Variants in MAD1L1 observed in about 807,000 individuals in gnomAD.
The protein encoded by MAD1L1 is mitotic spindle assembly checkpoint protein MAD1.
Under a neutral mutation model 96.9 loss-of-function variants are expected in MAD1L1, and 95 were observed. The ratio of observed to expected loss-of-function variants is 0.98; its 90% CI spans 0.83 to 1.16. The LOEUF is 1.16. MAD1L1 is among the 50% of genes most tolerant of loss of function. MAD1L1 has a pLI of 0.00. For missense variants in MAD1L1, 1,007 were observed against 954.4 expected, an observed-to-expected ratio of 1.06 and a Z score of -0.73; for synonymous variants, 473 against 396.6, an observed-to-expected ratio of 1.19 and a Z score of -2.29.
At chr7:1,912,518 G>A (rs1024266582) in intron 17 of MAD1L1, among the ~76,000 whole-genome samples, 11 of 152,136 alleles carry the variant, frequency 7.2e-5, no homozygotes, top group South Asian at 2.1e-4. Context: ...ATCCTCTCAC[G>A]GCTCCTCCTG....
intron 12 of MAD1L1, among the ~76,000 whole-genome samples, chr7:2,056,621 G>C (rs905675265): frequency 1.3e-5 from 2 of 152,134 alleles, no homozygotes; most frequent in African/African-American, 4.8e-5. Context: ...TGCTCACCTC[G>C]AACCAAGGCC....
At chr7:2,068,003 G>A (rs1164708279) in intron 12 of MAD1L1, among the ~76,000 whole-genome samples, 1 of 152,258 alleles carries the variant, frequency 6.6e-6, no homozygotes, top group African/African-American at 2.4e-5. Context: ...GTGTGGAAGA[G>A]AAGGGAACAC....
chr7:2,159,961 C>T (rs1009373831), intron 10 of MAD1L1, among the ~76,000 whole-genome samples: 5 of 152,180 alleles, frequency 3.3e-5, no homozygotes, highest in Admixed American at 6.5e-5. Flanking sequence ...GGCGCAGTGG[C>T]TCATGCCTGT....
At chr7:2,077,378 C>A (rs1221712981) in intron 11 of MAD1L1, among the ~76,000 whole-genome samples, 1 of 152,182 alleles carries the variant, frequency 6.6e-6, no homozygotes, top group Non-Finnish European at 1.5e-5. Flanking sequence ...TAAATTCAAG[C>A]CTTGAGCGAC....
chr7:1,943,881 G>C (rs889925925), intron 16 of MAD1L1, among the ~76,000 whole-genome samples: 17 of 152,206 alleles, frequency 1.1e-4, no homozygotes, highest in African/African-American at 3.9e-4. Context: ...GCAGACAGTG[G>C]GGTGTTTCAG....
chr7:2,050,139 C>CGCTG, intron 12 of MAD1L1, among the ~76,000 whole-genome samples: 1 of 136,064 alleles, frequency 7.3e-6, no homozygotes, highest in Non-Finnish European at 1.6e-5. Flanking sequence ...CCTCACCCAG[C>CGCTG]GTCTGCGGGC....
intron 18 of MAD1L1, chr7:1,849,331 C>T (rs1313235960): frequency 2.0e-5 from 3 of 152,290 alleles, no homozygotes; most frequent in Non-Finnish European, 4.4e-5. Flanking sequence ...GCCGTCCTTC[C>T]AGCCCACGTC....
intron 12 of MAD1L1, among the ~76,000 whole-genome samples, chr7:2,065,564 C>T (rs1177972523): frequency 2.0e-5 from 3 of 152,182 alleles, no homozygotes; most frequent in Non-Finnish European, 4.4e-5. Context: ...GGCCGAGGAA[C>T]GTGCTCATTC....
In MAD1L1 at chr7:1,955,929, A is replaced by G. The variant is rs539625178; in HGVS notation, c.1596+1700T>C. 5.8e-5 allele frequency among the ~76,000 whole-genome samples: 8 copies of G among 137,366 alleles called. No individual in the cohort carries two copies. The South Asian group carries it at 1.6e-3, about 28-fold the overall frequency. 90.1% of individuals were successfully genotyped at this position (137,366 alleles called of 152,430 possible). Reference sequence around the variant, plus strand: ...GAAACGAACTATTTTGCAGAGTAGTATAACTTCCATCTTAGACTAAACTTC... The same window carrying G: ...GAAACGAACTATTTTGCAGAGTAGTGTAACTTCCATCTTAGACTAAACTTC... On this transcript the variant is annotated intron_variant, in intron 16 of 18. Transcript: ENST00000265854.
At chr7:2,066,431 C>T (rs1335190204) in intron 12 of MAD1L1, among the ~76,000 whole-genome samples, 2 of 152,256 alleles carry the variant, frequency 1.3e-5, no homozygotes, top group Admixed American at 1.3e-4. Flanking sequence ...ACACGGGCGA[C>T]TGGGATCAAT....
intron 1 of MAD1L1, among the ~76,000 whole-genome samples, chr7:2,231,520 T>C (rs1323584043): frequency 1.3e-5 from 2 of 151,938 alleles, no homozygotes; most frequent in Admixed American, 6.6e-5. Flanking sequence ...GACAGGAGAT[T>C]TTCTTGAACC....
chr7:1,881,465 G>C (rs745838319), intron 18 of MAD1L1, among the ~76,000 whole-genome samples: 2 of 152,220 alleles, frequency 1.3e-5, no homozygotes, highest in Non-Finnish European at 2.9e-5. Flanking sequence ...GCCAGAGAAA[G>C]ATCTGTGTGG....
chr7:1,878,217 C>T (rs1216120378), intron 18 of MAD1L1, among the ~76,000 whole-genome samples: 2 of 151,718 alleles, frequency 1.3e-5, no homozygotes, highest in East Asian at 3.9e-4. Context: ...GCCCAGATGA[C>T]CTCACTAGTG....
chr7:2,231,843 G>A (rs1265744278), intron 1 of MAD1L1, among the ~76,000 whole-genome samples: 1 of 151,992 alleles, frequency 6.6e-6, no homozygotes, highest in Non-Finnish European at 1.5e-5. Context: ...GTAAACTCAT[G>A]ACAGTGAAAT....
intron 15 of MAD1L1, among the ~76,000 whole-genome samples, chr7:1,970,357 A>G (rs1332334247): frequency 1.6e-5 from 2 of 128,246 alleles, no homozygotes; most frequent in South Asian, 2.4e-4. Context: ...TTTTTTTGAG[A>G]CAGTCTCACT....
At chr7:2,062,636 C>A (rs530797936) in intron 12 of MAD1L1, among the ~76,000 whole-genome samples, 2 of 152,076 alleles carry the variant, frequency 1.3e-5, no homozygotes, top group Admixed American at 1.3e-4. Flanking sequence ...GAGGGAGCGG[C>A]TGGAACCAGG....
intron 17 of MAD1L1, among the ~76,000 whole-genome samples, chr7:1,935,027 G>A (rs1247329716): frequency 1.3e-5 from 2 of 151,670 alleles, no homozygotes; most frequent in Non-Finnish European, 2.9e-5. Flanking sequence ...ACGAACAGAC[G>A]GGCAAACCCG....
chr7:1,857,340 G>C (rs1405771395), intron 18 of MAD1L1, among the ~76,000 whole-genome samples: 1 of 152,204 alleles, frequency 6.6e-6, no homozygotes, highest in Non-Finnish European at 1.5e-5. Flanking sequence ...GTGCTCGGGG[G>C]GCGGCACAAG....
intron 14 of MAD1L1, among the ~76,000 whole-genome samples, chr7:1,996,686 A>G (rs556652464): frequency 6.6e-6 from 1 of 152,338 alleles, no homozygotes; most frequent in Admixed American, 6.5e-5. Context: ...TTGGTGAGGC[A>G]GACTTGGCAC....
Sources: gnomAD v4.1 joint callset for allele counts (sites outside exome capture counted in the v4.1 genomes callset) on GRCh38, gnomAD v4.1.1 for gene constraint, MANE v1.5 for transcripts, NCBI Gene and HGNC (gene_info 2026-07-23, HGNC 2026-07-21) for gene names.